SLC28A1: variants seen among roughly 807,000 people sequenced by gnomAD.
SLC28A1 encodes solute carrier family 28 member 1, also known as sodium/nucleoside cotransporter 1.
A neutral mutation model predicts 74.8 loss-of-function variants in SLC28A1; 64 were observed. The observed-to-expected ratio is 0.86, with a 90% confidence interval of 0.70 to 1.05. The LOEUF is 1.05. SLC28A1 is among the 50% of genes least tolerant of loss of function. The probability of loss-of-function intolerance (pLI) is 0.00; values close to 1 mark genes in which losing one functional copy is unlikely to be tolerated. For synonymous variants in SLC28A1, 359 were observed against 335.0 expected (o/e 1.07, Z -0.78); for missense variants, 828 against 822.8 (o/e 1.01, Z -0.08).
rs1567171729 is a variant in SLC28A1, at chr15:84,928,522, CG to C, written c.1083+4413del. Among the ~76,000 whole-genome samples the C allele has an allele frequency of 3.5e-3, 95 of 27,064 alleles. 18 individuals carry two copies. The highest frequency in any genetic ancestry group is 0.017 in the African/African-American group (92 of 5,274). The allele number at this position is 27,064 out of a possible 152,430, so 17.8% of individuals were successfully genotyped here. On this transcript the variant is annotated intron_variant, in intron 12 of 18. Coordinates refer to ENST00000394573, the MANE Select transcript of SLC28A1 (RefSeq NM_004213.5). Reference sequence around the variant, plus strand: ...GCCCTTTCCTTCAAGCTCCCAGGTTCGTTCGTTCTTTCTTTCTTTCTTTCTT... The same window carrying C: ...GCCCTTTCCTTCAAGCTCCCAGGTTCTTCGTTCTTTCTTTCTTTCTTTCTT...
intron 12 of SLC28A1, among the ~76,000 whole-genome samples, chr15:84,926,114 T>C (rs1970482451): frequency 6.7e-6 from 1 of 148,596 alleles, no homozygotes; most frequent in Admixed American, 6.7e-5. Context: ...AATTTTTTTA[T>C]TTATATAATA....
intron 15 of SLC28A1, among the ~76,000 whole-genome samples, chr15:84,936,179 G>C (rs1028510568): frequency 4.6e-5 from 7 of 150,810 alleles, no homozygotes; most frequent in African/African-American, 1.7e-4. Context: ...TCCTGACCTC[G>C]TGATCTGCCC....
At chr15:84,923,461 G>T (rs1020553132) in intron 11 of SLC28A1, among the ~76,000 whole-genome samples, 1 of 152,066 alleles carries the variant, frequency 6.6e-6, no homozygotes, top group Non-Finnish European at 1.5e-5. Flanking sequence ...CACAGTAGGC[G>T]CTCAACAACT....
chr15:84,895,361 CA>C (rs1444032184), intron 6 of SLC28A1: 1 of 1,613,842 alleles, frequency 6.2e-7, no homozygotes, highest in Non-Finnish European at 8.5e-7. Context: ...CTGGACTCAA[CA>C]GTTTCCTCCA....
At chr15:84,929,664 G>C (rs1194627495) in intron 12 of SLC28A1, among the ~76,000 whole-genome samples, 2 of 152,118 alleles carry the variant, frequency 1.3e-5, no homozygotes, top group East Asian at 3.8e-4. Flanking sequence ...ACCAGCATGG[G>C]CAACATAGGG....
chr15:84,911,790 C>T (rs373512875), intron 9 of SLC28A1, among the ~76,000 whole-genome samples: 7 of 142,148 alleles, frequency 4.9e-5, no homozygotes, highest in South Asian at 2.2e-4. Context: ...ACCTGGGAGA[C>T]GGAGGTTGCA....
At chr15:84,926,802 A>AGGGGG (rs544419272) in intron 12 of SLC28A1, among the ~76,000 whole-genome samples, 10 of 108,180 alleles carry the variant, frequency 9.2e-5, no homozygotes, top group East Asian at 6.3e-4. Context: ...GGGTGGGGGG[A>AGGGGG]GGGGGGGGGT....
At chr15:84,967,851 G>A in the SLC28A1 span, among the ~76,000 whole-genome samples, 1 of 152,216 alleles carries the variant, frequency 6.6e-6, no homozygotes, top group Non-Finnish European at 1.5e-5. Context: ...GGGTGAGTCT[G>A]AGGGTAGGCT....
At chr15:84,888,885 G>T (rs1447028470) in intron 4 of SLC28A1, 25 bp downstream of exon 4, 2 of 1,517,856 alleles carry the variant, frequency 1.3e-6, no homozygotes, top group Non-Finnish European at 1.8e-6. Flanking sequence ...GAGAGACAAG[G>T]GCGGGCCTGG....
chr15:84,909,961 G>T (rs965565241), intron 9 of SLC28A1, among the ~76,000 whole-genome samples: 28 of 152,342 alleles, frequency 1.8e-4, no homozygotes, highest in African/African-American at 6.5e-4. Flanking sequence ...CCCAAGCCAT[G>T]GACTTAGCTA....
chr15:84,948,778 GCAGT>G (rs1237129950), downstream of SLC28A1, among the ~76,000 whole-genome samples: 3 of 152,132 alleles, frequency 2.0e-5, no homozygotes, highest in Admixed American at 6.6e-5. Context: ...TTGAAATCAA[GCAGT>G]CATTCATCAT....
At chr15:84,975,003 A>G in the SLC28A1 span, among the ~76,000 whole-genome samples, 1 of 152,062 alleles carries the variant, frequency 6.6e-6, no homozygotes, top group Non-Finnish European at 1.5e-5. Flanking sequence ...CTCCCCTTAG[A>G]CACCCCCAGA....
intron 9 of SLC28A1, among the ~76,000 whole-genome samples, chr15:84,913,414 C>G (rs1359720860): frequency 6.6e-6 from 1 of 152,176 alleles, no homozygotes; most frequent in Non-Finnish European, 1.5e-5. Context: ...ATCTGGCCTT[C>G]AAAGCCTGTT....
the SLC28A1 span, among the ~76,000 whole-genome samples, chr15:84,957,121 A>G: frequency 6.6e-6 from 1 of 152,250 alleles, no homozygotes; most frequent in East Asian, 1.9e-4. Flanking sequence ...TATACTATAA[A>G]ATTACCCTAT....
intron 8 of SLC28A1, among the ~76,000 whole-genome samples, chr15:84,908,210 G>T (rs576586316): frequency 2.7e-5 from 3 of 109,696 alleles, no homozygotes; most frequent in Non-Finnish European, 5.1e-5. Context: ...TTGAGACAGA[G>T]TCTCGCTCTG....
downstream of SLC28A1, among the ~76,000 whole-genome samples, chr15:84,946,505 T>C (rs902131662): frequency 8.5e-5 from 13 of 152,092 alleles, no homozygotes; most frequent in Non-Finnish European, 1.5e-4. Context: ...GGTTAAGTTA[T>C]GTGCCTAAAG....
At chr15:84,924,252 T>C (rs1596316850) in intron 12 of SLC28A1, 142 bp downstream of exon 12, 3 of 1,024,412 alleles carry the variant, frequency 2.9e-6, no homozygotes, top group Non-Finnish European at 4.5e-6. Flanking sequence ...TGGCTTCCCC[T>C]GAGCCCAGTG....
chr15:84,927,033 C>CT (rs995658418), intron 12 of SLC28A1, among the ~76,000 whole-genome samples: 1 of 152,196 alleles, frequency 6.6e-6, no homozygotes, highest in African/African-American at 2.4e-5. Flanking sequence ...TGTTGCGTGA[C>CT]TTTTCAAGAA....
At chr15:84,918,369 A>G (rs1352987335) in intron 9 of SLC28A1, among the ~76,000 whole-genome samples, 155 bp from the exon 10 acceptor site, 5 of 152,052 alleles carry the variant, frequency 3.3e-5, no homozygotes, top group Admixed American at 6.6e-5. Context: ...CTGGGACTTC[A>G]TGCACTGATC....
Sources: gnomAD v4.1 joint callset for allele counts (sites outside exome capture counted in the v4.1 genomes callset) on GRCh38, gnomAD v4.1.1 for gene constraint, MANE v1.5 for transcripts, NCBI Gene and HGNC (gene_info 2026-07-23, HGNC 2026-07-21) for gene names.